Variants in BEX5 observed in about 807,000 individuals in gnomAD.
BEX5 encodes brain expressed X-linked 5, also known as protein BEX5.
Under a neutral mutation model 1.4 loss-of-function variants are expected in BEX5, and 2 were observed. The ratio of observed to expected loss-of-function variants is 1.42; its 90% CI spans 0.58 to 4.47. The LOEUF (loss-of-function observed/expected upper bound fraction) is 4.47. Ranked by LOEUF, BEX5 falls within the 30% of genes most tolerant of loss-of-function variation. The pLI, the probability that BEX5 is intolerant of heterozygous loss-of-function variation, is 0.06. For synonymous variants in BEX5, 32 were observed against 30.0 expected, an observed-to-expected ratio of 1.07 and a Z score of -0.21; for missense variants, 97 against 87.3, an observed-to-expected ratio of 1.11 and a Z score of -0.44.
Position 102,154,396 on chromosome X carries a change from C to A in BEX5, c.-37-94G>T, listed in dbSNP as rs1472637450. The A allele has an allele frequency of 8.4e-6, 5 of 593,823 alleles. No homozygotes were observed. The African/African-American group carries it at 9.5e-5, about 11-fold the overall frequency. The allele number at this position is 593,823 out of a possible 1,213,427, so 48.9% of individuals were successfully genotyped here. ...TTTCCCACCTGAGAAACTTTATGAACCCTGTAGGGGGCGCCCCAGACCCAG... is the reference window on the plus strand; with the variant it reads ...TTTCCCACCTGAGAAACTTTATGAAACCTGTAGGGGGCGCCCCAGACCCAG... On this transcript the variant is annotated intron_variant, in intron 2 of 2. Coordinates refer to ENST00000333643, the MANE Select transcript of BEX5 (RefSeq NM_001012978.3).
chrX:102,154,466 G>C (rs1285613480), intron 2 of BEX5, among the ~76,000 whole-genome samples, 164 bp from the exon 3 acceptor site: 2 of 108,411 alleles, frequency 1.8e-5, no homozygotes, highest in African/African-American at 6.7e-5. Context: ...CCCTTCCCCA[G>C]GCCACTCCTA....
Position 102,154,105 on chromosome X carries a change from A to G in BEX5, c.161T>C (p.Leu54Pro). The G allele has an allele frequency of 1.7e-6, 2 of 1,210,561 alleles. No homozygotes were observed. Among genetic ancestry groups the G allele is most frequent in the African/African-American group, 3.5e-5 (2 of 57,352 alleles). ...ATCTATCATATCAATGTTATCGACA[A>G]GCCTATTGGGCACATCCTCTCCAAA... ...PGFGEDVPNR[L>P]VDNIDMIDGD... Residue 54 changes from leucine (L) to proline (P), a missense_variant, in exon 3 of 3, where the codon CTT becomes CCT. Transcript: ENST00000333643.
In BEX5 at chrX:102,154,770, C is replaced by G. The variant is rs1346325396; in HGVS notation, c.-64G>C. The stretch of plus-strand genomic sequence containing the variant: ...TTCAGGGATCAGAGGCAGTCTTTCT[C>G]TCTTAGCCTTGAAATCGGCTGCACA... On this transcript the variant is annotated 5_prime_UTR_variant, in exon 2 of 3. Coordinates refer to ENST00000333643, the MANE Select transcript of BEX5 (RefSeq NM_001012978.3). The G allele has an allele frequency of 8.9e-6, 1 of 112,742 alleles. No individual in the cohort carries two copies. Among genetic ancestry groups the G allele is most frequent in the Non-Finnish European group, 1.9e-5 (1 of 54,020 alleles). 9.3% of individuals were successfully genotyped at this position (112,742 alleles called of 1,213,427 possible). A position where few individuals can be genotyped will look rare whatever the true frequency, so the allele number is the denominator to read the frequency against.
At chrX:102,154,856 G>A (rs782807088) in intron 1 of BEX5, 46 bp from the exon 2 acceptor site, 2 of 111,749 alleles carry the variant, frequency 1.8e-5, no homozygotes, top group African/African-American at 6.5e-5. Context: ...TTTAATCAAA[G>A]GACCGGTAAT....
rs1415035237 is a variant in BEX5, at chrX:102,154,818, C to G, written c.-104-8G>C. On this transcript the variant is annotated splice_region_variant and splice_polypyrimidine_tract_variant and intron_variant, in intron 1 of 2. Coordinates refer to ENST00000333643, the MANE Select transcript of BEX5 (RefSeq NM_001012978.3). ...ACAAACGCACTTAAAGACCTGCAGA[C>G]AAATGTGACAATTACCAGGACTGAT... is the stretch of plus-strand genomic sequence containing the variant. The G allele has an allele frequency of 9.0e-6, 1 of 111,657 alleles. No individual in the cohort carries two copies. Among genetic ancestry groups the G allele is most frequent in the Non-Finnish European group, 1.9e-5 (1 of 53,312 alleles). The allele number at this position is 111,657 out of a possible 1,213,427, so 9.2% of individuals were successfully genotyped here. A position where few individuals can be genotyped will look rare whatever the true frequency, so the allele number is the denominator to read the frequency against.
chrX:102,154,204 G>C lies in BEX5; in HGVS notation c.62C>G (p.Pro21Arg). 1 of 1,209,587 alleles carries C rather than the reference G, an allele frequency of 8.3e-7. No homozygotes were observed. The highest frequency in any genetic ancestry group is 1.1e-6 in the Non-Finnish European group (1 of 894,482). The change falls in exon 3 of 3, where the codon CCC (proline) becomes CGC (arginine). Residue 21 changes from proline to arginine, a missense_variant. Physicochemically the swap from Pro to Arg is moderately radical, Grantham distance 103. Coordinates refer to ENST00000333643, the MANE Select transcript of BEX5 (RefSeq NM_001012978.3). ...CTGGTATTCACCACCTCCTAAAGCG[G>C]GGGCTTCATTCTGCACTGGGGCCTT... ...VEKAPVQNEAPALGGGEYQEP... is the reference protein window; with the variant it reads ...VEKAPVQNEARALGGGEYQEP...
In BEX5 at chrX:102,153,902, G is replaced by A; in HGVS notation, c.*28C>T. On this transcript the variant is annotated 3_prime_UTR_variant, in exon 3 of 3. Coordinates refer to ENST00000333643, the MANE Select transcript of BEX5 (RefSeq NM_001012978.3). ...AGGAAAAATGCGAATTTAGAAAGCA[G>A]GGATTTTATGATTATTAACCTCAAG... 2 of 1,121,144 alleles carry A rather than the reference G, an allele frequency of 1.8e-6. No homozygotes were observed. The highest frequency in any genetic ancestry group is 4.4e-5 in the South Asian group (2 of 45,240). The allele number at this position is 1,121,144 out of a possible 1,213,427, so 92.4% of individuals were successfully genotyped here.
chrX:102,155,396 C>G (rs1465720054), intron 1 of BEX5, among the ~76,000 whole-genome samples: 1 of 111,913 alleles, frequency 8.9e-6, no homozygotes, highest in Non-Finnish European at 1.9e-5. Flanking sequence ...GAAGCTCGCC[C>G]GCTCAACTGC....
At chrX:102,154,844 C>A (rs1180181550) in intron 1 of BEX5, 34 bp from the exon 2 acceptor site, 1 of 111,789 alleles carries the variant, frequency 8.9e-6, no homozygotes, top group Admixed American at 9.5e-5. Flanking sequence ...CAGGACTGAT[C>A]TTTTAATCAA....
At position 102,154,252 on chromosome X, in the gene BEX5, G is replaced by C. The variant is rs1556369749; in HGVS notation, c.14C>G (p.Pro5Arg). The change falls in exon 3 of 3, where the codon CCC (proline) becomes CGC (arginine). Residue 5 changes from proline to arginine, a missense_variant. Physicochemically the swap from Pro to Arg is moderately radical, Grantham distance 103. Transcript: ENST00000333643. Reference protein sequence around the residue: MENVPKENKVVEKAP... With the variant: MENVRKENKVVEKAP... ...CTTCTCCACAACTTTGTTTTCCTTG[G>C]GGACATTTTCCATGTTGAGTTTTTT... The C allele has an allele frequency of 5.2e-6, 6 of 1,154,141 alleles. No homozygotes were observed. In the East Asian group the frequency reaches 1.5e-4, roughly 29 times the overall value.
At position 102,154,380 on chromosome X, in the gene BEX5, T is replaced by C. The variant is rs782180974; in HGVS notation, c.-37-78A>G. 4.0e-4 allele frequency: 278 copies of C among 700,904 alleles called. No individual in the cohort carries two copies. The African/African-American group carries it at 5.8e-3, about 15-fold the overall frequency. 57.8% of individuals were successfully genotyped at this position (700,904 alleles called of 1,213,427 possible). Reference sequence around the variant, plus strand: ...TCTGTTTGGCAAAGGTTTTCCCACCTGAGAAACTTTATGAACCCTGTAGGG... The same window carrying C: ...TCTGTTTGGCAAAGGTTTTCCCACCCGAGAAACTTTATGAACCCTGTAGGG... On this transcript the variant is annotated intron_variant, in intron 2 of 2. Coordinates refer to ENST00000333643, the MANE Select transcript of BEX5 (RefSeq NM_001012978.3).
Position 102,153,763 on chromosome X carries a change from T to G in BEX5, c.*167A>C, listed in dbSNP as rs1380960718. 2.3e-6 allele frequency: 1 copy of G among 434,681 alleles called. No homozygotes were observed. Among genetic ancestry groups the G allele is most frequent in the African/African-American group, 2.6e-5 (1 of 38,553 alleles). 35.8% of individuals were successfully genotyped at this position (434,681 alleles called of 1,213,427 possible). On this transcript the variant is annotated 3_prime_UTR_variant, in exon 3 of 3. Coordinates refer to ENST00000333643, the MANE Select transcript of BEX5 (RefSeq NM_001012978.3). ...ACAGTATGCAATAAACATCTTTCCA[T>G]GAAAGTTGATGAAAGTCCTCTTCTG...
chrX:102,154,580 G>A (rs993462918), intron 2 of BEX5, among the ~76,000 whole-genome samples, 164 bp downstream of exon 2: 1 of 89,297 alleles, frequency 1.1e-5, no homozygotes, highest in Non-Finnish European at 2.2e-5. Flanking sequence ...CCCAGATCTC[G>A]CCCCTCTACT....
At chrX:102,154,352 AG>A in intron 2 of BEX5, 50 bp from the exon 3 acceptor site, 1 of 884,527 alleles carries the variant, frequency 1.1e-6, no homozygotes, top group Non-Finnish European at 1.5e-6. Context: ...TAGGATTCAG[AG>A]CTCTGTTTGG....
In BEX5 at chrX:102,153,793, A is replaced by C. The variant is rs1781224371; in HGVS notation, c.*137T>G. On this transcript the variant is annotated 3_prime_UTR_variant, in exon 3 of 3. Transcript: ENST00000333643. The stretch of plus-strand genomic sequence containing the variant: ...GTTGATGAAAGTCCTCTTCTGACAG[A>C]AAAACTTACAGACTAGGTCAAAATG... 1 of 520,179 alleles carries C rather than the reference A, an allele frequency of 1.9e-6. No individual in the cohort carries two copies. The highest frequency in any genetic ancestry group is 4.1e-5 in the Admixed American group (1 of 24,352). The allele number at this position is 520,179 out of a possible 1,213,427, so 42.9% of individuals were successfully genotyped here.
rs1260096277 is a variant in BEX5 at position 102,154,319 on chromosome X, A to G, written c.-37-17T>C. 7.9e-6 allele frequency: 8 copies of G among 1,015,531 alleles called. No homozygotes were observed. The highest frequency in any genetic ancestry group is 9.2e-6 in the Non-Finnish European group (7 of 758,517). The allele number at this position is 1,015,531 out of a possible 1,213,427, so 83.7% of individuals were successfully genotyped here. A position where few individuals can be genotyped will look rare whatever the true frequency, so the allele number is the denominator to read the frequency against. ...TTTTTCTTCCTAGAAGATAAAAAGC[A>G]AGAAGAGGGAATGAATGCTTGATAG... On this transcript the variant is annotated splice_polypyrimidine_tract_variant and intron_variant, in intron 2 of 2. Transcript: ENST00000333643.
rs1556369524 is a variant in BEX5, at chrX:102,153,940, A to G, written c.326T>C (p.Leu109Pro). ...PHHDHHDEFCLMP is the reference protein window; with the variant it reads ...PHHDHHDEFCPMP ...TATTAACCTCAAGATTCAAGGCATA[A>G]GGCAAAACTCATCATGATGATCATG... Residue 109 changes from leucine (L) to proline (P), a missense_variant, in exon 3 of 3, where the codon CTT becomes CCT. Coordinates refer to ENST00000333643, the MANE Select transcript of BEX5 (RefSeq NM_001012978.3). 1 of 1,203,068 alleles carries G rather than the reference A, an allele frequency of 8.3e-7. No homozygotes were observed. The highest frequency in any genetic ancestry group is 1.1e-6 in the Non-Finnish European group (1 of 890,573).
Position 102,153,714 on chromosome X carries a change from C to A in BEX5, c.*216G>T. On this transcript the variant is annotated 3_prime_UTR_variant, in exon 3 of 3. Transcript: ENST00000333643. ...AATGAAATAGTCTATCTGTAGACTG[C>A]TTTTAAATTGCTTTATTAACTTTAC... The A allele has an allele frequency of 3.0e-6, 1 of 332,256 alleles. No homozygotes were observed. The allele number at this position is 332,256 out of a possible 1,213,427, so 27.4% of individuals were successfully genotyped here.
rs1442035333 is a variant in BEX5 at position 102,154,309 on chromosome X, G to T, written c.-37-7C>A. The T allele has an allele frequency of 5.7e-6, 6 of 1,047,870 alleles. No homozygotes were observed. The highest frequency in any genetic ancestry group is 6.3e-6 in the Non-Finnish European group (5 of 789,943). The allele number at this position is 1,047,870 out of a possible 1,213,427, so 86.4% of individuals were successfully genotyped here. A position where few individuals can be genotyped will look rare whatever the true frequency, so the allele number is the denominator to read the frequency against. On this transcript the variant is annotated splice_polypyrimidine_tract_variant and splice_region_variant and intron_variant, in intron 2 of 2. Transcript: ENST00000333643. ...TTTTTTTTTTTTTTTCTTCCTAGAA[G>T]ATAAAAAGCAAGAAGAGGGAATGAA... is the stretch of plus-strand genomic sequence containing the variant.
Sources: allele counts gnomAD v4.1 joint callset (sites outside exome capture counted in the v4.1 genomes callset), GRCh38; gene constraint gnomAD v4.1.1; transcripts MANE v1.5; gene names NCBI Gene and HGNC (gene_info 2026-07-23, HGNC 2026-07-21).